The following CHODL variants were observed in gnomAD, a reference collection of about 807,000 sequenced individuals.
CHODL encodes chondrolectin.
CHODL carries 29 observed loss-of-function variants against 34.5 expected under a neutral mutation model. The ratio of observed to expected loss-of-function variants is 0.84; its 90% CI spans 0.63 to 1.15. The LOEUF (loss-of-function observed/expected upper bound fraction) is 1.15, where lower values mean the gene tolerates loss of function less well. CHODL is among the 50% of genes most tolerant of loss of function. CHODL has a pLI of 0.00. For missense variants in CHODL, 332 were observed against 332.5 expected, an observed-to-expected ratio of 1.00 and a Z score of 0.01; for synonymous variants, 125 against 116.1, an observed-to-expected ratio of 1.08 and a Z score of -0.49.
chr21:18,259,121 A>AATGGT (rs1361787081), intron 3 of CHODL, among the ~76,000 whole-genome samples: 61 of 151,652 alleles, frequency 4.0e-4, no homozygotes, highest in Admixed American at 1.2e-3. Context: ...GCAATGTAAG[A>AATGGT]ATGGTAAACA....
At chr21:18,177,295 A>G (rs2073328056) in intron 2 of CHODL, among the ~76,000 whole-genome samples, 1 of 152,084 alleles carries the variant, frequency 6.6e-6, no homozygotes, top group Non-Finnish European at 1.5e-5. Context: ...ACAGGTTGAA[A>G]AAGTTTATGT....
At chr21:18,248,734 T>TATATACATATATATGTATATA in intron 1 of CHODL, among the ~76,000 whole-genome samples, 1 of 120,558 alleles carries the variant, frequency 8.3e-6, no homozygotes, top group Non-Finnish European at 1.6e-5. Context: ...ATGTATATAA[T>TATATACATATATATGTATATA]ATATATGTAT....
intron 2 of CHODL, among the ~76,000 whole-genome samples, chr21:18,115,161 G>C (rs1478888220): frequency 6.6e-6 from 1 of 152,198 alleles, no homozygotes; most frequent in Non-Finnish European, 1.5e-5. Flanking sequence ...GTGACTCAGT[G>C]AATTTAGGAA....
Position 18,256,813 on chromosome 21 carries a change from G to C in CHODL, c.384G>C (p.Gln128His). 1 of 1,612,298 alleles carries C rather than the reference G, an allele frequency of 6.2e-7. No individual in the cohort carries two copies. The highest frequency in any genetic ancestry group is 8.5e-7 in the Non-Finnish European group (1 of 1,179,000). ...AGTGGTCTGATGGAAGCAATTCCCAGTACCGGTGAGTATGGATCTTGAGCA... is the reference window on the plus strand; with the variant it reads ...AGTGGTCTGATGGAAGCAATTCCCACTACCGGTGAGTATGGATCTTGAGCA... ...LYQWSDGSNS[Q>H]YRNWYTDEPS... is the part of the protein sequence containing the mutation. Residue 128 changes from glutamine (Q) to histidine (H), a missense_variant, in exon 2 of 6, where the codon CAG (glutamine) becomes CAC (histidine). By Grantham distance (24) the Gln-to-His change is conservative (BLOSUM62 0). Coordinates refer to ENST00000299295, the MANE Select transcript of CHODL (RefSeq NM_024944.3).
Position 18,171,198 on chromosome 21 carries a change from G to GTTCTTTTTTTTTTTTTTTTTTTTTTTTTT in CHODL, c.-44-85309_-44-85308insCTTTTTTTTTTTTTTTTTTTTTTTTTTTT, listed in dbSNP as rs1333481522. ...TGTTCTTCAGACATGGTTTTCTTTA[G>GTTCTTTTTTTTTTTTTTTTTTTTTTTTTT]TTTTTTTTTTTTTTTTTTTGAGACG... On this transcript the variant is annotated intron_variant, in intron 2 of 6. Coordinates refer to the CHODL transcript ENST00000400127. Among the ~76,000 whole-genome samples, 8 of 37,066 alleles carry GTTCTTTTTTTTTTTTTTTTTTTTTTTTTT rather than the reference G, an allele frequency of 2.2e-4. 4 individuals carry two copies. The highest frequency in any genetic ancestry group is 1.2e-3 in the African/African-American group (8 of 6,942). 24.3% of individuals were successfully genotyped at this position (37,066 alleles called of 152,430 possible).
At chr21:18,039,110 A>T (rs2064344960) in intron 2 of CHODL, among the ~76,000 whole-genome samples, 1 of 151,636 alleles carries the variant, frequency 6.6e-6, no homozygotes, top group Non-Finnish European at 1.5e-5. Flanking sequence ...TTTAGTGATA[A>T]TTCTGAATCG....
Position 18,166,583 on chromosome 21 carries a change from G to A in CHODL, c.-44-89926G>A, listed in dbSNP as rs573881305. Reference sequence around the variant, plus strand: ...CTCCATTAAACAATGCTAATTCGGGGTTTGAGATGTATGTGAGTACGTCTG... The same window carrying A: ...CTCCATTAAACAATGCTAATTCGGGATTTGAGATGTATGTGAGTACGTCTG... On this transcript the variant is annotated intron_variant, in intron 2 of 6. Coordinates refer to the CHODL transcript ENST00000400127. Among the ~76,000 whole-genome samples the A allele has an allele frequency of 5.3e-5, 8 of 152,164 alleles. No individual in the cohort carries two copies. The South Asian group carries it at 1.2e-3, about 24-fold the overall frequency.
At position 18,249,352 on chromosome 21, in the gene CHODL, G is replaced by A. The variant is rs116450619; in HGVS notation, c.79+4050G>A. On this transcript the variant is annotated intron_variant, in intron 1 of 5. Transcript: ENST00000299295. Reference sequence around the variant, plus strand: ...TGGCTAAAGTTATACTCTTTGTAATGTGGAATGCATTCAATTTGGATCTAG... The same window carrying A: ...TGGCTAAAGTTATACTCTTTGTAATATGGAATGCATTCAATTTGGATCTAG... 8.9e-3 allele frequency among the ~76,000 whole-genome samples: 1,339 copies of A among 151,276 alleles called. 19 individuals are homozygous for A. The highest frequency in any genetic ancestry group is 0.031 in the African/African-American group (1,272 of 41,222).
chr21:17,993,054 G>A lies in CHODL; in HGVS notation c.-144-34818G>A, dbSNP rs115852020. Among the ~76,000 whole-genome samples the A allele has an allele frequency of 5.4e-3, 826 of 152,024 alleles. 6 individuals carry two copies. The highest frequency in any genetic ancestry group is 0.014 in the South Asian group (65 of 4,814). The stretch of plus-strand genomic sequence containing the variant: ...ACCTTTAATTTCCTTCCATTTCCTC[G>A]TCTGGTTAGGACTTCTAGTACCATG... On this transcript the variant is annotated intron_variant, in intron 1 of 6. Coordinates refer to the CHODL transcript ENST00000400127.
rs190612090 is a variant in CHODL at position 17,932,943 on chromosome 21, G to A, written c.-145+15543G>A. On this transcript the variant is annotated intron_variant, in intron 1 of 6. Transcript: ENST00000400127. ...GAGAGGGGGATGTGGCAGGGTCATA[G>A]GATAATAGTGGAGAGAAGGTCAGCA... 4.6e-3 allele frequency among the ~76,000 whole-genome samples: 699 copies of A among 152,270 alleles called. 6 individuals carry two copies. Among genetic ancestry groups the A allele is most frequent in the African/African-American group, 0.016 (658 of 41,540 alleles).
intron 2 of CHODL, among the ~76,000 whole-genome samples, chr21:18,050,819 A>T (rs1160020010): frequency 1.3e-5 from 2 of 151,878 alleles, no homozygotes; most frequent in Non-Finnish European, 2.9e-5. Flanking sequence ...GGAACATGTT[A>T]TGAAGGTTAG....
Position 18,214,095 on chromosome 21 carries a change from A to G in CHODL, c.-44-42414A>G, listed in dbSNP as rs547119023. Among the ~76,000 whole-genome samples the G allele has an allele frequency of 6.6e-5, 10 of 152,212 alleles. No individual in the cohort carries two copies. In the East Asian group the frequency reaches 1.5e-3, roughly 24 times the overall value. On this transcript the variant is annotated intron_variant, in intron 2 of 6. Coordinates refer to the CHODL transcript ENST00000400127. ...ATCCGTAGACTCTAATAAATTTGCAATGCCAACTTTGTCATCCACCTATTT... is the reference window on the plus strand; with the variant it reads ...ATCCGTAGACTCTAATAAATTTGCAGTGCCAACTTTGTCATCCACCTATTT...
intron 1 of CHODL, among the ~76,000 whole-genome samples, chr21:17,972,586 G>A (rs781646609): frequency 3.3e-5 from 5 of 152,174 alleles, no homozygotes; most frequent in Non-Finnish European, 7.3e-5. Context: ...GACTTACAAG[G>A]GATGTGAAGG....
At chr21:18,025,060 C>A (rs1392633751) in intron 1 of CHODL, among the ~76,000 whole-genome samples, 4 of 152,164 alleles carry the variant, frequency 2.6e-5, no homozygotes, top group African/African-American at 4.8e-5. Context: ...TCAATAGTTA[C>A]AGAAAAAAGT....
intron 5 of CHODL, 147 bp downstream of exon 5, chr21:18,263,040 A>T: frequency 1.7e-6 from 1 of 574,478 alleles, no homozygotes; most frequent in Non-Finnish European, 3.1e-6. Context: ...TACATTGAGG[A>T]TAGAATTAAT....
intron 2 of CHODL, 45 bp from the exon 3 acceptor site, chr21:18,256,925 T>G (rs2074324021): frequency 1.3e-6 from 2 of 1,593,112 alleles, no homozygotes; most frequent in Non-Finnish European, 1.7e-6. Context: ...GCAGAATCAT[T>G]TAGTAGGCAT....
At chr21:18,259,243 GC>G (rs2074351659) in intron 3 of CHODL, among the ~76,000 whole-genome samples, 1 of 151,852 alleles carries the variant, frequency 6.6e-6, no homozygotes, top group Admixed American at 6.6e-5. Flanking sequence ...AAATTTACAG[GC>G]TTTTTTTTAA....
At chr21:18,019,134 G>A (rs1000836658) in intron 1 of CHODL, among the ~76,000 whole-genome samples, 1 of 152,144 alleles carries the variant, frequency 6.6e-6, no homozygotes, top group Non-Finnish European at 1.5e-5. Context: ...TCTTAACCAT[G>A]CTTGCTACAT....
At chr21:18,152,682 T>C (rs75263589) in intron 2 of CHODL, among the ~76,000 whole-genome samples, 3,589 of 152,282 alleles carry the variant, frequency 0.024, 147 homozygotes, top group African/African-American at 0.082. Context: ...TTTGCTAAGA[T>C]GAATCTTACA....
Sources: gnomAD v4.1 joint callset for allele counts (sites outside exome capture counted in the v4.1 genomes callset) on GRCh38, gnomAD v4.1.1 for gene constraint, MANE v1.5 for transcripts, NCBI Gene and HGNC (gene_info 2026-07-23, HGNC 2026-07-21) for gene names.